MBOAT2: variants seen among roughly 807,000 people sequenced by gnomAD.
MBOAT2 encodes membrane bound glycerophospholipid O-acyltransferase 2.
In MBOAT2, 28 loss-of-function variants were observed where a neutral mutation model predicts 63.4. That is an observed-to-expected ratio of 0.44 (90% CI 0.33 to 0.61). The LOEUF (loss-of-function observed/expected upper bound fraction) is 0.61, where lower values mean the gene tolerates loss of function less well. MBOAT2 is among the 20% of genes least tolerant of loss of function. The probability of loss-of-function intolerance (pLI) is 0.03; values close to 1 mark genes in which losing one functional copy is unlikely to be tolerated. For missense variants in MBOAT2, 470 were observed against 605.8 expected (o/e 0.78, Z 2.35); for synonymous variants, 211 against 215.6 (o/e 0.98, Z 0.19).
chr2:8,921,817 G>A (rs1318869734), intron 3 of MBOAT2, among the ~76,000 whole-genome samples: 9 of 152,046 alleles, frequency 5.9e-5, no homozygotes, highest in African/African-American at 1.5e-4. Flanking sequence ...TGTTCTCCTC[G>A]TCTTTGTCTT....
At chr2:8,932,884 CAT>C (rs1667422614) in intron 3 of MBOAT2, among the ~76,000 whole-genome samples, 2 of 152,160 alleles carry the variant, frequency 1.3e-5, no homozygotes, top group South Asian at 2.1e-4. Context: ...AGAACGTGCA[CAT>C]GTCAAGTCTA....
At chr2:8,893,823 G>C (rs764288334) in intron 4 of MBOAT2, among the ~76,000 whole-genome samples, 19 of 152,180 alleles carry the variant, frequency 1.2e-4, no homozygotes, top group Admixed American at 4.6e-4. Context: ...TGCAGATATG[G>C]CTGGAAGGAT....
intron 3 of MBOAT2, among the ~76,000 whole-genome samples, chr2:8,917,884 A>G (rs958031339): frequency 6.6e-6 from 1 of 152,260 alleles, no homozygotes; most frequent in Admixed American, 6.5e-5. Flanking sequence ...TATTAATACA[A>G]TGGAATAAAA....
At chr2:8,902,337 T>C (rs542560419) in intron 4 of MBOAT2, among the ~76,000 whole-genome samples, 62 of 152,340 alleles carry the variant, frequency 4.1e-4, no homozygotes, top group Admixed American at 1.6e-3. Context: ...GGTCCCTTTG[T>C]GGTCACCAAA....
chr2:8,868,042 G>C lies in MBOAT2; in HGVS notation c.987+404C>G, dbSNP rs938027395. Among the ~76,000 whole-genome samples, 5 of 152,144 alleles carry C rather than the reference G, an allele frequency of 3.3e-5. No homozygotes were observed. In the East Asian group the frequency reaches 5.8e-4, roughly 18 times the overall value. ...CTGCACAGCTCTCGGCTCCCAGGCTGCTCCCTCTACTTGGAGTGTCCGGTT... is the reference window on the plus strand; with the variant it reads ...CTGCACAGCTCTCGGCTCCCAGGCTCCTCCCTCTACTTGGAGTGTCCGGTT... On this transcript the variant is annotated intron_variant, in intron 9 of 12. Coordinates refer to ENST00000305997, the MANE Select transcript of MBOAT2 (RefSeq NM_138799.4).
At chr2:8,996,238 A>C (rs892425563) in intron 1 of MBOAT2, among the ~76,000 whole-genome samples, 1 of 152,208 alleles carries the variant, frequency 6.6e-6, no homozygotes, top group African/African-American at 2.4e-5. Flanking sequence ...CAGAGACGGA[A>C]GCCTGATTAT....
chr2:8,982,724 T>C (rs1050773959), intron 1 of MBOAT2, among the ~76,000 whole-genome samples: 1 of 152,128 alleles, frequency 6.6e-6, no homozygotes, highest in African/African-American at 2.4e-5. Flanking sequence ...TCAACAAAGA[T>C]TTAGTGAGAC....
chr2:8,940,614 G>A (rs1263579623), intron 3 of MBOAT2, among the ~76,000 whole-genome samples: 3 of 152,090 alleles, frequency 2.0e-5, no homozygotes, highest in Admixed American at 2.0e-4. Context: ...TTAAAGGTAA[G>A]ATATGAATCA....
chr2:8,879,716 G>C (rs1001983838), intron 6 of MBOAT2, among the ~76,000 whole-genome samples: 12 of 152,120 alleles, frequency 7.9e-5, no homozygotes, highest in African/African-American at 2.9e-4. Context: ...AAAGTGTCTA[G>C]ACATTGTCAG....
intron 3 of MBOAT2, among the ~76,000 whole-genome samples, chr2:8,909,628 C>CA (rs760456858): frequency 1.2e-4 from 18 of 152,098 alleles, no homozygotes; most frequent in Non-Finnish European, 2.4e-4. Flanking sequence ...GTAGGCAGTT[C>CA]AGGTGGTTTT....
chr2:8,919,467 T>A (rs1264720079), intron 3 of MBOAT2, among the ~76,000 whole-genome samples: 1 of 152,242 alleles, frequency 6.6e-6, no homozygotes, highest in Non-Finnish European at 1.5e-5. Flanking sequence ...TATTGTAGTT[T>A]TAATTTGCAA....
rs142344615 is a variant in MBOAT2 at position 8,958,566 on chromosome 2, G to C, written c.152C>G (p.Thr51Ser). The change falls in exon 2 of 13, where the codon ACT becomes AGT. Residue 51 changes from threonine to serine, a missense_variant. Around this residue, in one of 3 missense-constraint regions of MBOAT2, gnomAD observed 376 missense variants for 503.8 expected, o/e 0.75. Transcript: ENST00000305997. Reference sequence around the variant, plus strand: ...AACTACATGTCTTATAAAAGAGCTAGTTTTGCTTGAATGTAGATAAGTTCG... The same window carrying C: ...AACTACATGTCTTATAAAAGAGCTACTTTTGCTTGAATGTAGATAAGTTCG... ...WFRTYLHSSK[T>S]SSFIRHVVAT... is the part of the protein sequence containing the mutation. 8.1e-6 allele frequency: 13 copies of C among 1,612,474 alleles called. No homozygotes were observed. The highest frequency in any genetic ancestry group is 2.7e-5 in the African/African-American group (2 of 74,886).
intron 9 of MBOAT2, among the ~76,000 whole-genome samples, chr2:8,865,427 A>G (rs903981516): frequency 1.3e-5 from 2 of 152,190 alleles, no homozygotes; most frequent in African/African-American, 4.8e-5. Context: ...TCCTGTCTTT[A>G]TAACAGGAGA....
chr2:8,932,597 A>G lies in MBOAT2; in HGVS notation c.299+10590T>C, dbSNP rs1011559047. On this transcript the variant is annotated intron_variant, in intron 3 of 12. Transcript: ENST00000305997. ...TAAAGCAATCTAACAAACCTCAACA[A>G]GACTAATGAATTTCACAGACTTCTA... Among the ~76,000 whole-genome samples the G allele has an allele frequency of 5.3e-5, 8 of 152,202 alleles. No individual in the cohort carries two copies. The South Asian group carries it at 1.7e-3, about 31-fold the overall frequency.
At chr2:8,957,717 AACACT>A (rs761268546) in intron 2 of MBOAT2, among the ~76,000 whole-genome samples, 19 of 152,324 alleles carry the variant, frequency 1.2e-4, no homozygotes, top group Non-Finnish European at 2.6e-4. Flanking sequence ...GTGAATGGCG[AACACT>A]ACAGCAGATG....
chr2:8,909,562 G>T (rs1464973787), intron 3 of MBOAT2, among the ~76,000 whole-genome samples: 1 of 151,946 alleles, frequency 6.6e-6, no homozygotes, highest in African/African-American at 2.4e-5. Context: ...GAGAAATCAA[G>T]GGAGAAAAAA....
intron 7 of MBOAT2, 112 bp from the exon 8 acceptor site, chr2:8,873,412 C>T (rs1662480815): frequency 6.3e-6 from 7 of 1,114,596 alleles, no homozygotes; most frequent in African/African-American, 3.2e-5. Context: ...CTACAACTCT[C>T]CTGGTCAAAA....
chr2:8,953,632 T>G (rs1668999116), intron 2 of MBOAT2, among the ~76,000 whole-genome samples: 1 of 152,202 alleles, frequency 6.6e-6, no homozygotes, highest in Admixed American at 6.5e-5. Flanking sequence ...TTTTGTTCAT[T>G]TATTAAAATT....
At chr2:8,947,566 A>G (rs889616494) in intron 2 of MBOAT2, among the ~76,000 whole-genome samples, 1 of 152,222 alleles carries the variant, frequency 6.6e-6, no homozygotes, top group African/African-American at 2.4e-5. Flanking sequence ...GGTGACTTTA[A>G]GTTGAAGCCA....
Sources: gnomAD v4.1 joint callset for allele counts (sites outside exome capture counted in the v4.1 genomes callset) on GRCh38, gnomAD v4.1.1 for gene constraint, gnomAD v4.1.1 regional missense constraint, MANE v1.5 for transcripts, NCBI Gene and HGNC (gene_info 2026-07-23, HGNC 2026-07-21) for gene names.